The following NPAT variants were observed in gnomAD, a reference collection of about 807,000 sequenced individuals.
NPAT encodes nuclear protein, coactivator of histone transcription.
NPAT carries 52 observed loss-of-function variants against 130.7 expected under a neutral mutation model. That is an observed-to-expected ratio of 0.40 (90% confidence interval 0.32 to 0.50). NPAT has a LOEUF of 0.50. Ranked by LOEUF, NPAT falls within the 20% of genes least tolerant of loss-of-function variation. The pLI, the probability that NPAT is intolerant of heterozygous loss-of-function variation, is 0.68. For missense variants in NPAT, 1,687 were observed against 1,662.6 expected (o/e 1.01, Z -0.26); for synonymous variants, 580 against 584.8 (o/e 0.99, Z 0.12).
chr11:108,195,901 A>G (rs971954779), intron 2 of NPAT, among the ~76,000 whole-genome samples: 1 of 152,262 alleles, frequency 6.6e-6, no homozygotes, highest in East Asian at 1.9e-4. Context: ...TGCTGGGATT[A>G]TAGGCATGAG....
intron 5 of NPAT, among the ~76,000 whole-genome samples, chr11:108,190,106 T>C (rs1462878362): frequency 6.6e-6 from 1 of 151,138 alleles, no homozygotes; most frequent in Non-Finnish European, 1.5e-5. Flanking sequence ...GGTCAGGAGA[T>C]TGAGACCATT....
At chr11:108,166,316 C>T (rs1377944739) in intron 15 of NPAT, among the ~76,000 whole-genome samples, 2 of 151,990 alleles carry the variant, frequency 1.3e-5, no homozygotes, top group Admixed American at 6.6e-5. Context: ...CGCTTGAACC[C>T]GGGAGGCGAA....
At chr11:108,204,435 C>T (rs2078306078) in intron 1 of NPAT, among the ~76,000 whole-genome samples, 1 of 152,212 alleles carries the variant, frequency 6.6e-6, no homozygotes. Flanking sequence ...ACTTTGGGTA[C>T]CCTCTCATGT....
At chr11:108,207,483 G>C (rs185447375) in intron 1 of NPAT, among the ~76,000 whole-genome samples, 1 of 152,200 alleles carries the variant, frequency 6.6e-6, no homozygotes, top group Admixed American at 6.5e-5. Flanking sequence ...GGCCCATGCC[G>C]AGTTGCCCTC....
In NPAT at chr11:108,188,038, A is replaced by C. The variant is rs1396320204; in HGVS notation, c.638+60T>G. 6.4e-6 allele frequency: 7 copies of C among 1,086,250 alleles called. No homozygotes were observed. In the Admixed American group the frequency reaches 1.0e-4, roughly 16 times the overall value. The allele number at this position is 1,086,250 out of a possible 1,614,324, so 67.3% of individuals were successfully genotyped here. ...ATTCACAATGTAAGTATCCTGATGT[A>C]ATTCTTTTTTTTTTTTTTTAATGGA... On this transcript the variant is annotated intron_variant, in intron 7 of 17. Coordinates refer to ENST00000278612, the MANE Select transcript of NPAT (RefSeq NM_002519.3).
intron 8 of NPAT, 121 bp downstream of exon 8, chr11:108,186,361 A>C: frequency 5.4e-6 from 4 of 745,674 alleles, no homozygotes; most frequent in Middle Eastern, 3.2e-4. Context: ...ATTTACAGAT[A>C]TCTATAAACT....
chr11:108,189,222 A>C lies in NPAT; in HGVS notation c.440T>G (p.Phe147Cys), dbSNP rs1339432049. The C allele has an allele frequency of 6.2e-7, 1 of 1,614,164 alleles. No homozygotes were observed. Among genetic ancestry groups the C allele is most frequent in the East Asian group, 2.2e-5 (1 of 44,874 alleles). ...LLTLPYLSGQ[F>C]TTPPSTGTQV... ...TGTACCTGTGGAAGGAGGAGTGGTA[A>C]ACTGTCCTGAAAGGTAAGGTAAAGT... Residue 147 changes from phenylalanine (F) to cysteine (C), a missense_variant, in exon 6 of 18, where the codon TTT (phenylalanine) becomes TGT (cysteine). Physicochemically the swap from Phe to Cys is radical, Grantham distance 205. Transcript: ENST00000278612.
chr11:108,193,870 T>C, intron 3 of NPAT, 87 bp downstream of exon 3: 1 of 850,754 alleles, frequency 1.2e-6, no homozygotes, highest in Non-Finnish European at 1.9e-6. Context: ...TATGAGACAT[T>C]AATAACCTTT....
In NPAT at chr11:108,185,235, A is replaced by T. The variant is rs568643798; in HGVS notation, c.903T>A (p.Leu301=). The T allele has an allele frequency of 3.2e-5, 51 of 1,607,164 alleles. 1 individual carries two copies. In the Middle Eastern group the frequency reaches 8.3e-4, roughly 26 times the overall value. The change falls in exon 10 of 18, where the codon CTT becomes CTA. Residue 301 remains leucine, a synonymous_variant. Transcript: ENST00000278612. The part of the protein sequence containing the change: ...PETSIDEFLG[L]PSEIHMSEEA... ...TGCACACCCCAACCACCCATACCGG[A>T]AGTCCTAGGAATTCATCAATTGAAG...
chr11:108,193,262 GAATTAA>G (rs1304825319), intron 3 of NPAT, among the ~76,000 whole-genome samples: 4 of 152,142 alleles, frequency 2.6e-5, no homozygotes, highest in African/African-American at 9.7e-5. Flanking sequence ...AGACTACATA[GAATTAA>G]AATTAAAATG....
chr11:108,180,458 C>T (rs1173560192), intron 10 of NPAT, among the ~76,000 whole-genome samples: 1 of 152,206 alleles, frequency 6.6e-6, no homozygotes, highest in African/African-American at 2.4e-5. Context: ...CGATGCTTAA[C>T]ATCACTAATC....
At chr11:108,193,757 C>CA (rs1267592298) in intron 3 of NPAT, among the ~76,000 whole-genome samples, 200 bp downstream of exon 3, 1 of 151,334 alleles carries the variant, frequency 6.6e-6, no homozygotes, top group East Asian at 1.9e-4. Context: ...AAACAACAAC[C>CA]AAAAAAACAA....
intron 1 of NPAT, among the ~76,000 whole-genome samples, chr11:108,210,794 A>G (rs1161895494): frequency 6.6e-6 from 1 of 152,238 alleles, no homozygotes; most frequent in Non-Finnish European, 1.5e-5. Flanking sequence ...ATTGAATGAA[A>G]CACCAATCCT....
rs1049131784 is a variant in NPAT, at chr11:108,176,475, T to A, written c.1004-101A>T. 23 of 905,882 alleles carry A rather than the reference T, an allele frequency of 2.5e-5. No homozygotes were observed. The East Asian group carries it at 5.7e-4, about 22-fold the overall frequency. 56.1% of individuals were successfully genotyped at this position (905,882 alleles called of 1,614,324 possible). On this transcript the variant is annotated intron_variant, in intron 11 of 17. Coordinates refer to ENST00000278612, the MANE Select transcript of NPAT (RefSeq NM_002519.3). The stretch of plus-strand genomic sequence containing the variant: ...GATTACGCAAATGTTAAACTTCGAT[T>A]TAGGGTTTTATGGATGTTTAAAAAA...
In NPAT at chr11:108,172,440, T is replaced by G; in HGVS notation, c.2544A>C (p.Gly848=). 1 of 1,614,170 alleles carries G rather than the reference T, an allele frequency of 6.2e-7. No homozygotes were observed. The highest frequency in any genetic ancestry group is 8.5e-7 in the Non-Finnish European group (1 of 1,180,008). ...TTGTGGCTGGCATCAACTGTATATA[T>G]CCTCCATCCTTGGAAACACATGGTG... The part of the protein sequence containing the change: ...NVTPCVSKDG[G]YIQLMPATST... The change falls in exon 13 of 18, where the codon GGA becomes GGC. Residue 848 remains glycine, a synonymous_variant. Transcript: ENST00000278612.
chr11:108,210,473 C>T (rs1198176023), intron 1 of NPAT, among the ~76,000 whole-genome samples: 1 of 152,196 alleles, frequency 6.6e-6, no homozygotes, highest in Non-Finnish European at 1.5e-5. Flanking sequence ...TCCCCCTTCA[C>T]CTTCTGCCAT....
At chr11:108,221,118 G>T (rs1327502850) in intron 1 of NPAT, among the ~76,000 whole-genome samples, 1 of 152,158 alleles carries the variant, frequency 6.6e-6, no homozygotes, top group Admixed American at 6.5e-5. Context: ...TTCTTAACTA[G>T]GGGTGATTCT....
chr11:108,222,596 C>G lies in NPAT; in HGVS notation c.-60G>C, dbSNP rs1009896202. 1.5e-5 allele frequency: 24 copies of G among 1,583,788 alleles called. No homozygotes were observed. In the African/African-American group the frequency reaches 2.8e-4, roughly 19 times the overall value. On this transcript the variant is annotated 5_prime_UTR_variant, in exon 1 of 18. Coordinates refer to ENST00000278612, the MANE Select transcript of NPAT (RefSeq NM_002519.3). The stretch of plus-strand genomic sequence containing the variant: ...AAGACTCAGGTTAAAGCAAACACAG[C>G]GACAGCTCCTGCGCCGCATCTCCTG...
intron 1 of NPAT, among the ~76,000 whole-genome samples, chr11:108,205,128 G>T (rs2078313357): frequency 1.3e-5 from 2 of 152,116 alleles, no homozygotes; most frequent in Admixed American, 1.3e-4. Context: ...ACATACAAGG[G>T]TTTCTCAGTA....
Sources: gnomAD v4.1 joint callset for allele counts (sites outside exome capture counted in the v4.1 genomes callset) on GRCh38, gnomAD v4.1.1 for gene constraint, MANE v1.5 for transcripts, NCBI Gene and HGNC (gene_info 2026-07-23, HGNC 2026-07-21) for gene names.